SLC18A1: variants seen among roughly 807,000 people sequenced by gnomAD.
The protein encoded by SLC18A1 is solute carrier family 18 member A1.
SLC18A1 carries 69 observed loss-of-function variants against 53.7 expected under a neutral mutation model. The ratio of observed to expected loss-of-function variants is 1.28; its 90% CI spans 1.06 to 1.57. The LOEUF is 1.57. Among genes scored for constraint, SLC18A1 ranks in the 40% most tolerant of loss-of-function variants. SLC18A1 has a pLI of 0.00. For missense variants in SLC18A1, 932 were observed against 668.1 expected, an observed-to-expected ratio of 1.40 and a Z score of -4.35; for synonymous variants, 320 against 248.1, an observed-to-expected ratio of 1.29 and a Z score of -2.72.
intron 8 of SLC18A1, among the ~76,000 whole-genome samples, chr8:20,166,036 C>T (rs993681040): frequency 2.0e-5 from 3 of 151,842 alleles, no homozygotes; most frequent in South Asian, 2.1e-4. Context: ...AATTATTATT[C>T]GAAGTAAAGA....
In SLC18A1 at chr8:20,150,925, C is replaced by T. The variant is rs77543795; in HGVS notation, c.1016-181G>A. 7.3e-3 allele frequency: 4,380 copies of T among 601,348 alleles called. 157 individuals are homozygous for T. The African/African-American group carries it at 0.075, about 10-fold the overall frequency. 37.3% of individuals were successfully genotyped at this position (601,348 alleles called of 1,614,324 possible). On this transcript the variant is annotated intron_variant, in intron 10 of 15. Transcript: ENST00000276373. ...GTTGCCATAGGACCCCCACACCTCT[C>T]CTTTCTTCAGGAGCAAGGCTTTGTT...
intron 10 of SLC18A1, among the ~76,000 whole-genome samples, chr8:20,152,413 C>A (rs1031677215): frequency 2.2e-4 from 34 of 152,178 alleles, no homozygotes; most frequent in Admixed American, 1.0e-3. Context: ...GATGGTGCCT[C>A]AGATTAGAAG....
intron 10 of SLC18A1, among the ~76,000 whole-genome samples, chr8:20,162,995 C>T (rs1263426335): frequency 6.6e-6 from 1 of 152,162 alleles, no homozygotes; most frequent in African/African-American, 2.4e-5. Context: ...TGTCTTAGTC[C>T]ATTTTCTGCT....
chr8:20,168,528 A>C (rs181318642), intron 8 of SLC18A1, among the ~76,000 whole-genome samples: 1 of 152,280 alleles, frequency 6.6e-6, no homozygotes, highest in Non-Finnish European at 1.5e-5. Context: ...AAATATTTAT[A>C]AATATATACA....
rs1264450966 is a variant in SLC18A1, at chr8:20,178,445, G to A, written c.537C>T (p.Leu179=). The A allele has an allele frequency of 1.9e-6, 3 of 1,609,530 alleles. No individual in the cohort carries two copies. Among genetic ancestry groups the A allele is most frequent in the Non-Finnish European group, 2.5e-6 (3 of 1,177,946 alleles). The change falls in exon 4 of 16, where the codon CTC becomes CTT. Residue 179 remains leucine (L), a synonymous_variant. Transcript: ENST00000276373. Reference sequence around the variant, plus strand: ...AAGCAAATTACTTACTAACTGTGGAGAGAAACATGATAACAAAGCCAGCAA... The same window carrying A: ...AAGCAAATTACTTACTAACTGTGGAAAGAAACATGATAACAAAGCCAGCAA... ...PMFAGFVIMF[L]STVMFAFSGT...
rs1279713941 is a variant in SLC18A1 at position 20,171,436 on chromosome 8, G to A, written c.783C>T (p.Leu261=). 6.2e-7 allele frequency: 1 copy of A among 1,614,162 alleles called. No individual in the cohort carries two copies. The highest frequency in any genetic ancestry group is 8.5e-7 in the Non-Finnish European group (1 of 1,180,022). ...CCAGTAGTGCCAGGAAGGCCAGGAT[G>A]AGGAAGGGTGCAGACTTCCCAACAA... ...YEFVGKSAPF[L]ILAFLALLDG... The change falls in exon 7 of 16, where the codon CTC becomes CTT. Residue 261 remains leucine, a synonymous_variant. Transcript: ENST00000276373.
intron 1 of SLC18A1, chr8:20,181,704 A>G (rs1199956213): frequency 2.0e-5 from 3 of 152,206 alleles, no homozygotes; most frequent in Non-Finnish European, 4.4e-5. Context: ...CATGTGGCAC[A>G]GTGTCACTTG....
chr8:20,173,229 G>C (rs577722645), intron 5 of SLC18A1, 101 bp from the exon 6 acceptor site: 1 of 837,304 alleles, frequency 1.2e-6, no homozygotes, highest in African/African-American at 1.7e-5. Flanking sequence ...GACAATCTTA[G>C]CTAGAGTTTC....
At chr8:20,173,901 T>A (rs796600508) in intron 5 of SLC18A1, among the ~76,000 whole-genome samples, 1 of 149,952 alleles carries the variant, frequency 6.7e-6, no homozygotes, top group African/African-American at 2.4e-5. Flanking sequence ...CTTTCTTTTT[T>A]TTTTTTTTTT....
intron 5 of SLC18A1, among the ~76,000 whole-genome samples, chr8:20,173,590 C>T (rs2072181341): frequency 6.6e-6 from 1 of 152,172 alleles, no homozygotes; most frequent in Admixed American, 6.5e-5. Context: ...ACCCTCTGGC[C>T]TTCATAGCTA....
chr8:20,180,255 A>G lies in SLC18A1; in HGVS notation c.124+586T>C, dbSNP rs543664317. 2.6e-5 allele frequency among the ~76,000 whole-genome samples: 4 copies of G among 152,248 alleles called. No homozygotes were observed. The East Asian group carries it at 7.7e-4, about 29-fold the overall frequency. On this transcript the variant is annotated intron_variant, in intron 2 of 15. Transcript: ENST00000276373. ...AATGAGAAGTGATTGTATTGGATTAACAACTTGTCTCAGAAAGATCCTTTT... is the reference window on the plus strand; with the variant it reads ...AATGAGAAGTGATTGTATTGGATTAGCAACTTGTCTCAGAAAGATCCTTTT...
intron 3 of SLC18A1, 79 bp from the exon 4 acceptor site, chr8:20,178,572 G>T: frequency 1.8e-6 from 2 of 1,106,854 alleles, no homozygotes; most frequent in Non-Finnish European, 2.6e-6. Context: ...AAATGTAAGT[G>T]GGAGCAGAAA....
chr8:20,164,959 T>C lies in SLC18A1; in HGVS notation c.925A>G (p.Ile309Val), dbSNP rs767597529. The C allele has an allele frequency of 2.5e-6, 4 of 1,613,924 alleles. No homozygotes were observed. Among genetic ancestry groups the C allele is most frequent in the South Asian group, 2.2e-5 (2 of 91,054 alleles). The change falls in exon 10 of 16, where the codon ATC becomes GTC. Residue 309 changes from isoleucine (I) to valine (V), a missense_variant. Transcript: ENST00000276373. ...GCCACCCCCATGTTGGCAAAGCAGA[T>C]GGACCCTGGGGAGACTGTTCTGTGA... ...DPYILVAAGS[I>V]CFANMGVAIL...
Position 20,173,022 on chromosome 8 carries a change from C to T in SLC18A1, c.724+14G>A, listed in dbSNP as rs373181243. ...CACCCTCCCGAACCCAGAGCTCCAG[C>T]TGGTGCCACTTACCCAGCAACCCCA... On this transcript the variant is annotated intron_variant, in intron 6 of 15. Coordinates refer to ENST00000276373, the MANE Select transcript of SLC18A1 (RefSeq NM_003053.4). 3.2e-6 allele frequency: 5 copies of T among 1,569,594 alleles called. No homozygotes were observed. In the African/African-American group the frequency reaches 5.4e-5, roughly 17 times the overall value.
At position 20,171,479 on chromosome 8, in the gene SLC18A1, C is replaced by T. The variant is rs746038021; in HGVS notation, c.740G>A (p.Gly247Glu). Residue 247 changes from glycine to glutamate, a missense_variant, in exon 7 of 16, where the codon GGA becomes GAA. Gly to Glu is a moderately conservative substitution (Grantham distance 98). Transcript: ENST00000276373. Reference protein sequence around the residue: ...ALGLLVGAPFGSVMYEFVGKS... With the variant: ...ALGLLVGAPFESVMYEFVGKS... Reference sequence around the variant, plus strand: ...CCCAACAAACTCGTACATTACACTTCCAAAGGGAGCTCCCACTGGAGAGGC... The same window carrying T: ...CCCAACAAACTCGTACATTACACTTTCAAAGGGAGCTCCCACTGGAGAGGC... 1 of 1,614,044 alleles carries T rather than the reference C, an allele frequency of 6.2e-7. No homozygotes were observed. The highest frequency in any genetic ancestry group is 1.1e-5 in the South Asian group (1 of 91,072).
At chr8:20,173,812 C>T (rs889036774) in intron 5 of SLC18A1, among the ~76,000 whole-genome samples, 1 of 152,008 alleles carries the variant, frequency 6.6e-6, no homozygotes, top group Non-Finnish European at 1.5e-5. Flanking sequence ...CTGACCTGAG[C>T]TAGCTGCATC....
At chr8:20,158,231 G>T (rs1183898505) in intron 10 of SLC18A1, among the ~76,000 whole-genome samples, 4 of 152,262 alleles carry the variant, frequency 2.6e-5, no homozygotes, top group Non-Finnish European at 5.9e-5. Context: ...CTGTCCTCCA[G>T]ATCTGTCACT....
intron 10 of SLC18A1, among the ~76,000 whole-genome samples, chr8:20,164,282 C>G (rs541549455): frequency 1.8e-4 from 27 of 152,186 alleles, no homozygotes; most frequent in African/African-American, 6.3e-4. Context: ...ACAAAGGAAG[C>G]TGGAACCCTC....
At position 20,179,260 on chromosome 8, in the gene SLC18A1, C is replaced by T. The variant is rs140491634; in HGVS notation, c.349G>A (p.Ala117Thr). 5.4e-4 allele frequency: 872 copies of T among 1,614,146 alleles called. 7 individuals are homozygous for T. The South Asian group carries it at 8.3e-3, about 15-fold the overall frequency. The part of the protein sequence containing the change: ...ASTIPPPATE[A>T]ISAHKNNCLQ... ...CAGTTGTTTTTATGAGCTGAGATGG[C>T]TTCAGTGGCTGGAGGTGGGATGGTG... is the stretch of plus-strand genomic sequence containing the variant. Residue 117 changes from alanine (A) to threonine (T), a missense_variant, in exon 3 of 16, where the codon GCC becomes ACC. By Grantham distance (58) the Ala-to-Thr change is moderately conservative. Coordinates refer to ENST00000276373, the MANE Select transcript of SLC18A1 (RefSeq NM_003053.4).
Sources: gnomAD v4.1 joint callset for allele counts (sites outside exome capture counted in the v4.1 genomes callset) on GRCh38, gnomAD v4.1.1 for gene constraint, MANE v1.5 for transcripts, NCBI Gene and HGNC (gene_info 2026-07-23, HGNC 2026-07-21) for gene names.